Variants in PRELID2 observed in about 807,000 individuals in gnomAD.
PRELID2 encodes PRELI domain containing 2, also known as PRELI domain-containing protein 2.
PRELID2 carries 25 observed loss-of-function variants against 28.4 expected under a neutral mutation model. That is an observed-to-expected ratio of 0.88 (90% confidence interval 0.64 to 1.23). PRELID2 has a LOEUF of 1.23. PRELID2 is among the 50% of genes most tolerant of loss of function. The probability of loss-of-function intolerance (pLI) is 0.00; values close to 1 mark genes in which losing one functional copy is unlikely to be tolerated. For synonymous variants in PRELID2, 76 were observed against 71.6 expected (o/e 1.06, Z -0.31); for missense variants, 201 against 214.4 (o/e 0.94, Z 0.39).
At chr5:145,438,273 A>G in the PRELID2 span, among the ~76,000 whole-genome samples, 1 of 152,166 alleles carries the variant, frequency 6.6e-6, no homozygotes, top group East Asian at 1.9e-4. Flanking sequence ...AAAATAGAAA[A>G]GAAAAAAAGA....
chr5:145,383,333 T>TAC, the PRELID2 span, among the ~76,000 whole-genome samples: 9 of 149,952 alleles, frequency 6.0e-5, no homozygotes, highest in Non-Finnish European at 8.9e-5. Context: ...ATTTCATTTA[T>TAC]ACACACACAC....
At chr5:145,229,555 C>A in the PRELID2 span, 2 of 1,475,896 alleles carry the variant, frequency 1.4e-6, no homozygotes, top group African/African-American at 1.4e-5. Flanking sequence ...CCCACCAGAC[C>A]TCCTTGGAGC....
intron 1 of PRELID2, among the ~76,000 whole-genome samples, chr5:145,559,212 G>A (rs909677604): frequency 4.6e-5 from 7 of 150,930 alleles, no homozygotes; most frequent in East Asian, 2.0e-4. Context: ...CCGAGATTCC[G>A]CACTGCACTC....
At chr5:145,388,721 A>T in the PRELID2 span, among the ~76,000 whole-genome samples, 1 of 152,006 alleles carries the variant, frequency 6.6e-6, no homozygotes, top group Non-Finnish European at 1.5e-5. Flanking sequence ...TCGGTGTTAA[A>T]TCTGTCTTTC....
At chr5:145,315,834 T>C in the PRELID2 span, among the ~76,000 whole-genome samples, 2 of 152,162 alleles carry the variant, frequency 1.3e-5, no homozygotes, top group Non-Finnish European at 2.9e-5. Flanking sequence ...TTGATTGTGG[T>C]GATAATTTTA....
chr5:145,253,855 A>T, the PRELID2 span, among the ~76,000 whole-genome samples: 2 of 152,096 alleles, frequency 1.3e-5, no homozygotes, highest in Non-Finnish European at 2.9e-5. Flanking sequence ...AACAAAAAAA[A>T]AATCCAGTCT....
intron 1 of PRELID2, among the ~76,000 whole-genome samples, chr5:145,484,218 G>A (rs1752192667): frequency 6.6e-6 from 1 of 152,176 alleles, no homozygotes; most frequent in South Asian, 2.1e-4. Flanking sequence ...TATCCTTAGT[G>A]CCTGGACTTT....
At chr5:145,337,636 T>C in the PRELID2 span, among the ~76,000 whole-genome samples, 1 of 147,292 alleles carries the variant, frequency 6.8e-6, no homozygotes, top group East Asian at 2.0e-4. Flanking sequence ...TTATAAAGGC[T>C]ATTTCAAAGG....
At chr5:145,347,110 G>A in the PRELID2 span, among the ~76,000 whole-genome samples, 1 of 152,094 alleles carries the variant, frequency 6.6e-6, no homozygotes, top group African/African-American at 2.4e-5. Context: ...TCCCTGGGTG[G>A]ACAGGGTGTA....
the PRELID2 span, among the ~76,000 whole-genome samples, chr5:145,324,500 G>A: frequency 6.6e-6 from 1 of 152,226 alleles, no homozygotes; most frequent in Middle Eastern, 3.4e-3. Flanking sequence ...CTTGTTTCTG[G>A]AACAAAACTT....
the PRELID2 span, among the ~76,000 whole-genome samples, chr5:145,276,532 T>C: frequency 2.4e-4 from 37 of 152,214 alleles, no homozygotes; most frequent in Non-Finnish European, 5.0e-4. Context: ...TAAAATGCTA[T>C]CCCTAAGGTT....
intron 1 of PRELID2, among the ~76,000 whole-genome samples, chr5:145,675,019 T>A (rs931539167): frequency 6.6e-6 from 1 of 151,894 alleles, no homozygotes; most frequent in Non-Finnish European, 1.5e-5. Context: ...TAGGAAACAC[T>A]TTCCTATGAC....
intron 1 of PRELID2, among the ~76,000 whole-genome samples, chr5:145,611,383 C>G (rs912103008): frequency 6.6e-6 from 1 of 152,096 alleles, no homozygotes; most frequent in African/African-American, 2.4e-5. Flanking sequence ...AGGCTGGTCT[C>G]CAACTCCTGA....
At chr5:145,731,151 T>A (rs1021830504) in intron 1 of PRELID2, among the ~76,000 whole-genome samples, 1 of 152,248 alleles carries the variant, frequency 6.6e-6, no homozygotes, top group Non-Finnish European at 1.5e-5. Context: ...CATTGTTGCA[T>A]GTGTACTAAT....
In PRELID2 at chr5:145,760,075, A is replaced by G. The variant is rs1382007142; in HGVS notation, c.*461T>C. ...GTTCCAGTCCACCCGTGAATCAGGT[A>G]CCAGTTCAACTCCCTTATTGGTTCC... On this transcript the variant is annotated 3_prime_UTR_variant, in exon 7 of 7. Transcript: ENST00000683046. The G allele has an allele frequency of 6.6e-6, 1 of 152,126 alleles. No individual in the cohort carries two copies. Among genetic ancestry groups the G allele is most frequent in the Non-Finnish European group, 1.5e-5 (1 of 68,030 alleles). 9.4% of individuals were successfully genotyped at this position (152,126 alleles called of 1,614,324 possible).
At chr5:145,690,533 A>G (rs151252757) in intron 1 of PRELID2, among the ~76,000 whole-genome samples, 10 of 152,300 alleles carry the variant, frequency 6.6e-5, no homozygotes, top group African/African-American at 2.4e-4. Context: ...GACAACCACA[A>G]GAGGCAAGCT....
At chr5:145,805,525 A>C (rs1753436880) in intron 4 of PRELID2, among the ~76,000 whole-genome samples, 1 of 152,264 alleles carries the variant, frequency 6.6e-6, no homozygotes, top group South Asian at 2.1e-4. Context: ...AGGGATACAA[A>C]ACTAGAATTA....
chr5:145,739,021 A>G (rs901122849), intron 1 of PRELID2, among the ~76,000 whole-genome samples: 32 of 152,272 alleles, frequency 2.1e-4, no homozygotes, highest in African/African-American at 7.7e-4. Context: ...GAAGTGGCAA[A>G]TTTTCAAGTG....
In PRELID2 at chr5:145,729,088, T is replaced by C. The variant is rs118023680; in HGVS notation, n.70+35843A>G. On this transcript the variant is annotated intron_variant and non_coding_transcript_variant, in intron 1 of 2. Coordinates refer to the PRELID2 transcript ENST00000510259. ...AATTCAAGTAAGCAGAATGTTTGCT[T>C]TCACTTGGTCCCATTGTTACCCTGG... 3,081 of 593,640 alleles carry C rather than the reference T, an allele frequency of 5.2e-3. 95 individuals carry two copies. The Admixed American group carries it at 0.053, about 10-fold the overall frequency. The allele number at this position is 593,640 out of a possible 1,614,324, so 36.8% of individuals were successfully genotyped here.
Sources: allele counts gnomAD v4.1 joint callset (sites outside exome capture counted in the v4.1 genomes callset), GRCh38; gene constraint gnomAD v4.1.1; transcripts MANE v1.5; gene names NCBI Gene and HGNC (gene_info 2026-07-23, HGNC 2026-07-21).